PLBD1: variants seen among roughly 807,000 people sequenced by gnomAD.
PLBD1 encodes lysosomal leucine aminopeptidase.
Under a neutral mutation model 63.0 loss-of-function variants are expected in PLBD1, and 60 were observed. The ratio of observed to expected loss-of-function variants is 0.95; its 90% CI spans 0.77 to 1.18. The LOEUF (loss-of-function observed/expected upper bound fraction) is 1.18. Among genes scored for constraint, PLBD1 ranks in the 50% most tolerant of loss-of-function variants. The pLI, the probability that PLBD1 is intolerant of heterozygous loss-of-function variation, is 0.00. For synonymous variants in PLBD1, 262 were observed against 248.0 expected, an observed-to-expected ratio of 1.06 and a Z score of -0.53; for missense variants, 598 against 677.9, an observed-to-expected ratio of 0.88 and a Z score of 1.31.
In PLBD1 at chr12:14,567,446, G is replaced by A. The variant is rs185300613; in HGVS notation, c.115+136C>T. On this transcript the variant is annotated intron_variant, in intron 1 of 10. Coordinates refer to ENST00000240617, the MANE Select transcript of PLBD1 (RefSeq NM_024829.6). ...CAGGGCTGGAGCGAGACCGCCGGCC[G>A]GAGGCGCGTTTCTCTGAGTTCACCC... 1.5e-4 allele frequency: 184 copies of A among 1,246,446 alleles called. 2 individuals carry two copies. The African/African-American group carries it at 2.3e-3, about 16-fold the overall frequency. The allele number at this position is 1,246,446 out of a possible 1,614,324, so 77.2% of individuals were successfully genotyped here. A position where few individuals can be genotyped will look rare whatever the true frequency, so the allele number is the denominator to read the frequency against.
intron 4 of PLBD1, among the ~76,000 whole-genome samples, chr12:14,538,095 G>T (rs1297839667): frequency 1.3e-5 from 2 of 151,474 alleles, no homozygotes; most frequent in African/African-American, 4.9e-5. Flanking sequence ...TGTTCACCTT[G>T]ATTTTTTTTG....
intron 4 of PLBD1, among the ~76,000 whole-genome samples, chr12:14,540,532 G>C (rs540337601): frequency 2.0e-5 from 3 of 152,104 alleles, no homozygotes; most frequent in Admixed American, 6.6e-5. Flanking sequence ...CCTGAGCCCA[G>C]TATTATGGAA....
chr12:14,549,126 G>T (rs1419546310), intron 2 of PLBD1, among the ~76,000 whole-genome samples: 2 of 152,164 alleles, frequency 1.3e-5, no homozygotes, highest in Non-Finnish European at 2.9e-5. Flanking sequence ...TCCATTACAT[G>T]GAAATATACC....
Position 14,540,775 on chromosome 12 carries a change from C to A in PLBD1, c.547G>T (p.Glu183Ter). Residue 183 changes from glutamate to a stop codon, truncating the protein, a stop_gained, in exon 4 of 11, where the codon GAA (glutamate) becomes TAA (stop). Transcript: ENST00000240617. LOFTEE classifies it high-confidence loss of function. ...GTTTAAAGTCCTACCTTTGTCCCTT[C>A]TAATATAGCCCTCTTCTTTGCTCCT... ...YVGAKKRAIL[E>*]GTKPMTLFQI... 1 of 1,597,100 alleles carries A rather than the reference C, an allele frequency of 6.3e-7. No individual in the cohort carries two copies. Among genetic ancestry groups the A allele is most frequent in the Non-Finnish European group, 8.6e-7 (1 of 1,168,570 alleles).
chr12:14,563,194 A>G (rs1424259273), intron 1 of PLBD1, among the ~76,000 whole-genome samples: 2 of 152,158 alleles, frequency 1.3e-5, no homozygotes, highest in Non-Finnish European at 2.9e-5. Flanking sequence ...TACATTATGC[A>G]AACAAGTTGA....
chr12:14,566,946 T>C (rs1472056153), intron 1 of PLBD1, among the ~76,000 whole-genome samples: 1 of 151,880 alleles, frequency 6.6e-6, no homozygotes, highest in Non-Finnish European at 1.5e-5. Flanking sequence ...AATGCACAAA[T>C]TAGCTGGGCA....
intron 1 of PLBD1, among the ~76,000 whole-genome samples, chr12:14,564,011 G>A (rs948272131): frequency 1.3e-5 from 2 of 152,182 alleles, no homozygotes; most frequent in Admixed American, 6.5e-5. Context: ...ATGAACCTGT[G>A]GGAGGATCAC....
In PLBD1 at chr12:14,511,396, G is replaced by T. The variant is rs187707242; in HGVS notation, c.1050C>A (p.Thr350=). The change falls in exon 8 of 11, where the codon ACC becomes ACA. Residue 350 remains threonine (T), a synonymous_variant. Coordinates refer to ENST00000240617, the MANE Select transcript of PLBD1 (RefSeq NM_024829.6). ...CCAGAACCATGTATTGATTGTTATA[G>T]GTGCCTGAAATATCAGGAAACATGA... ...ADIFSKYNSG[T]YNNQYMVLDL... is the part of the protein sequence containing the mutation. 3.7e-5 allele frequency: 59 copies of T among 1,613,292 alleles called. No homozygotes were observed. In the African/African-American group the frequency reaches 7.3e-4, roughly 20 times the overall value.
intron 8 of PLBD1, among the ~76,000 whole-genome samples, chr12:14,509,006 C>T (rs1249586402): frequency 1.4e-5 from 2 of 144,546 alleles, no homozygotes; most frequent in African/African-American, 5.0e-5. Context: ...GACCCCGACG[C>T]CCCCGCCTTT....
chr12:14,560,405 AT>A (rs1945736432), intron 1 of PLBD1, among the ~76,000 whole-genome samples: 2 of 152,204 alleles, frequency 1.3e-5, no homozygotes, highest in Non-Finnish European at 2.9e-5. Context: ...TGAGAAAGAG[AT>A]CAAGCAAAAG....
intron 8 of PLBD1, 105 bp downstream of exon 8, chr12:14,511,155 A>AC: frequency 4.3e-5 from 33 of 773,762 alleles, no homozygotes; most frequent in Non-Finnish European, 5.5e-5. Context: ...TGTCTTCCCC[A>AC]CCATACCCTC....
At chr12:14,527,794 T>A (rs1945427504) in intron 6 of PLBD1, among the ~76,000 whole-genome samples, 1 of 134,324 alleles carries the variant, frequency 7.4e-6, no homozygotes, top group African/African-American at 2.8e-5. Context: ...TCTGTGTAAA[T>A]AAAATTGCTG....
Position 14,566,000 on chromosome 12 carries a change from G to A in PLBD1, c.115+1582C>T, listed in dbSNP as rs549554878. 2.6e-5 allele frequency among the ~76,000 whole-genome samples: 4 copies of A among 152,240 alleles called. No homozygotes were observed. In the East Asian group the frequency reaches 7.7e-4, roughly 29 times the overall value. ...GGTGGTACCTTCTTGAATAAATAGT[G>A]CTCCATCTTCAGAAAAACAACGCCT... On this transcript the variant is annotated intron_variant, in intron 1 of 10. Transcript: ENST00000240617.
intron 2 of PLBD1, among the ~76,000 whole-genome samples, chr12:14,549,899 C>G (rs1478771445): frequency 6.6e-6 from 1 of 152,158 alleles, no homozygotes; most frequent in Admixed American, 6.5e-5. Flanking sequence ...AACTCCCGAC[C>G]TCAGGTGATC....
Position 14,535,756 on chromosome 12 carries a change from G to A in PLBD1, c.747C>T (p.Tyr249=). The A allele has an allele frequency of 2.5e-6, 4 of 1,613,970 alleles. No individual in the cohort carries two copies. Among genetic ancestry groups the A allele is most frequent in the Non-Finnish European group, 3.4e-6 (4 of 1,179,896 alleles). ...ENILFAHSSW[Y]TYAAMLRIYK... ...ATATCCTGAGCATGGCTGCATACGT[G>A]TACCAGCTTGAGTGAGCAAAAAGGA... Residue 249 remains tyrosine, a synonymous_variant, in exon 6 of 11, where the codon TAC becomes TAT. Coordinates refer to ENST00000240617, the MANE Select transcript of PLBD1 (RefSeq NM_024829.6).
Position 14,553,134 on chromosome 12 carries a change from G to C in PLBD1, c.335+59C>G, listed in dbSNP as rs1945672947. ...ATGCCAGGAAGATGAGAGTCACTGT[G>C]GAACATGGGAAGGACAGGGGTTGCC... On this transcript the variant is annotated intron_variant, in intron 2 of 10. Transcript: ENST00000240617. The C allele has an allele frequency of 2.8e-6, 4 of 1,411,658 alleles. No homozygotes were observed. The South Asian group carries it at 4.9e-5, about 17-fold the overall frequency. The allele number at this position is 1,411,658 out of a possible 1,614,324, so 87.4% of individuals were successfully genotyped here. A position where few individuals can be genotyped will look rare whatever the true frequency, so the allele number is the denominator to read the frequency against.
intron 2 of PLBD1, 71 bp downstream of exon 2, chr12:14,553,122 G>A: frequency 7.7e-7 from 1 of 1,296,176 alleles, no homozygotes; most frequent in Non-Finnish European, 1.1e-6. Flanking sequence ...CCAGGAAGAT[G>A]AGAGTCACTG....
chr12:14,507,435 T>C (rs1384382745), intron 8 of PLBD1, among the ~76,000 whole-genome samples: 2 of 152,096 alleles, frequency 1.3e-5, no homozygotes, highest in Non-Finnish European at 1.5e-5. Flanking sequence ...CAAAATAAAG[T>C]ATAATGCAAG....
At chr12:14,510,948 A>G (rs1363015491) in intron 8 of PLBD1, among the ~76,000 whole-genome samples, 5 of 152,182 alleles carry the variant, frequency 3.3e-5, no homozygotes, top group Non-Finnish European at 7.3e-5. Flanking sequence ...TGGCACTCCA[A>G]AAATATTTGC....
Sources: allele counts gnomAD v4.1 joint callset (sites outside exome capture counted in the v4.1 genomes callset), GRCh38; gene constraint gnomAD v4.1.1; transcripts MANE v1.5; gene names NCBI Gene and HGNC (gene_info 2026-07-23, HGNC 2026-07-21).